Variants in SRR observed in about 807,000 individuals in gnomAD.
The protein encoded by SRR is D-serine ammonia-lyase.
SRR carries 19 observed loss-of-function variants against 32.7 expected under a neutral mutation model. That is an observed-to-expected ratio of 0.58 (90% CI 0.40 to 0.85). The LOEUF (loss-of-function observed/expected upper bound fraction) is 0.85, where lower values mean the gene tolerates loss of function less well. Ranked by LOEUF, SRR falls within the 40% of genes least tolerant of loss-of-function variation. The pLI is 0.00. For synonymous variants in SRR, 142 were observed against 140.9 expected (o/e 1.01, Z -0.06); for missense variants, 373 against 404.7 (o/e 0.92, Z 0.67).
intron 1 of SRR, among the ~76,000 whole-genome samples, chr17:2,305,881 T>A (rs1227273280): frequency 5.3e-5 from 8 of 151,838 alleles, no homozygotes; most frequent in Non-Finnish European, 1.0e-4. Context: ...GTATTTTTAG[T>A]AGAGATGGGG....
rs141530557 is a variant in SRR at position 2,315,559 on chromosome 17, C to T, written c.-2C>T. On this transcript the variant is annotated splice_region_variant and 5_prime_UTR_variant, in exon 2 of 8. Coordinates refer to ENST00000344595, the MANE Select transcript of SRR (RefSeq NM_021947.3). ...CCTTTCTTATTCCTGGGTTTCAGAA[C>T]CATGTGTGCTCAGTATTGCATCTCC... 1,912 of 1,608,154 alleles carry T rather than the reference C, an allele frequency of 1.2e-3. 10 individuals carry two copies. The highest frequency in any genetic ancestry group is 5.8e-3 in the Middle Eastern group (35 of 6,028).
chr17:2,305,573 T>G lies in SRR; in HGVS notation c.-5+1556T>G, dbSNP rs78333769. Among the ~76,000 whole-genome samples the G allele has an allele frequency of 2.6e-5, 4 of 152,286 alleles. No homozygotes were observed. In the East Asian group the frequency reaches 7.7e-4, roughly 29 times the overall value. The stretch of plus-strand genomic sequence containing the variant: ...CAATAATCAAATAGTAGAAGAAAAT[T>G]TACTACGTTGGTGGAAATTTTTGAA... On this transcript the variant is annotated intron_variant, in intron 1 of 7. Coordinates refer to ENST00000344595, the MANE Select transcript of SRR (RefSeq NM_021947.3).
At chr17:2,318,147 GTTTGT>G (rs1245817430) in intron 3 of SRR, 151 bp downstream of exon 3, 18 of 928,498 alleles carry the variant, frequency 1.9e-5, no homozygotes, top group East Asian at 1.2e-4. Context: ...TTTTTTTTTT[GTTTGT>G]TTTGTTTTTT....
At chr17:2,317,027 G>A (rs2075479764) in intron 2 of SRR, among the ~76,000 whole-genome samples, 2 of 150,668 alleles carry the variant, frequency 1.3e-5, no homozygotes, top group Admixed American at 6.6e-5. Flanking sequence ...CAGCCTTGGT[G>A]AAACACTTTC....
intron 1 of SRR, among the ~76,000 whole-genome samples, chr17:2,308,126 G>C (rs1196322234): frequency 9.9e-5 from 15 of 151,064 alleles, no homozygotes; most frequent in African/African-American, 3.1e-4. Context: ...TAAAATCTTG[G>C]ATTATTTAGA....
intron 1 of SRR, among the ~76,000 whole-genome samples, chr17:2,311,267 G>A (rs2075431946): frequency 6.6e-6 from 1 of 152,038 alleles, no homozygotes; most frequent in African/African-American, 2.4e-5. Context: ...ACTCACTGCA[G>A]CCTTGAACTC....
intron 1 of SRR, among the ~76,000 whole-genome samples, chr17:2,305,112 A>G (rs1597255159): frequency 1.3e-5 from 2 of 152,238 alleles, no homozygotes; most frequent in East Asian, 3.8e-4. Context: ...AAGGTTAAGC[A>G]TAAGAAGAAA....
Position 2,323,872 on chromosome 17 carries a change from A to G in SRR, c.1022A>G (p.Ter341=). 6.2e-7 allele frequency: 1 copy of G among 1,613,366 alleles called. No homozygotes were observed. Among genetic ancestry groups the G allele is most frequent in the Non-Finnish European group, 8.5e-7 (1 of 1,179,526 alleles). Reference sequence around the variant, plus strand: ...GCTTCTTATCAGTCTGTTTCTGTTTAATTTACAGAAAAGGAAATGGTGGGA... The same window carrying G: ...GCTTCTTATCAGTCTGTTTCTGTTTGATTTACAGAAAAGGAAATGGTGGGA... ...RPASYQSVSV[*] is the part of the protein sequence containing the mutation. The change falls in exon 8 of 8, where the codon TAA becomes TGA. Residue 341 remains the stop codon, a stop_retained_variant. Coordinates refer to ENST00000344595, the MANE Select transcript of SRR (RefSeq NM_021947.3).
chr17:2,303,557 C>T, upstream of SRR: 1 of 1,346,506 alleles, frequency 7.4e-7, no homozygotes, highest in Non-Finnish European at 9.5e-7. Flanking sequence ...GAGGGCCGAG[C>T]GGGGAGGAGG....
At position 2,318,822 on chromosome 17, in the gene SRR, C is replaced by T; in HGVS notation, c.296-4C>T. 1.9e-6 allele frequency: 3 copies of T among 1,610,484 alleles called. No individual in the cohort carries two copies. The highest frequency in any genetic ancestry group is 1.1e-5 in the South Asian group (1 of 90,986). On this transcript the variant is annotated splice_region_variant and splice_polypyrimidine_tract_variant and intron_variant, in intron 3 of 7. Coordinates refer to ENST00000344595, the MANE Select transcript of SRR (RefSeq NM_021947.3). ...GACTTTTTCCTCTCGTTTTCCTCTC[C>T]CAGGAATTCCTGCTTATATTGTGGT...
chr17:2,306,812 T>C (rs1209905818), intron 1 of SRR: 8 of 752,236 alleles, frequency 1.1e-5, no homozygotes, highest in East Asian at 2.5e-5. Flanking sequence ...AAGCTCTTCA[T>C]TGGAGGGCTG....
chr17:2,311,787 C>T (rs1359628700), intron 1 of SRR, among the ~76,000 whole-genome samples: 1 of 152,126 alleles, frequency 6.6e-6, no homozygotes, highest in African/African-American at 2.4e-5. Context: ...TTTATTAATA[C>T]AGTATATAAT....
chr17:2,307,797 A>C (rs1422067997), intron 1 of SRR: 18 of 738,836 alleles, frequency 2.4e-5, no homozygotes, highest in Non-Finnish European at 3.6e-5. Flanking sequence ...TTTGTGAACT[A>C]AGCCAAGCAC....
upstream of SRR, chr17:2,303,921 A>T: frequency 1.6e-5 from 5 of 306,352 alleles, no homozygotes; most frequent in Non-Finnish European, 3.0e-5. Flanking sequence ...CCGGAGCGAG[A>T]GCCTGGGTGG....
In SRR at chr17:2,323,286, T is replaced by C. The variant is rs771587282; in HGVS notation, c.745T>C (p.Trp249Arg). 1 of 1,614,034 alleles carries C rather than the reference T, an allele frequency of 6.2e-7. No individual in the cohort carries two copies. The highest frequency in any genetic ancestry group is 1.3e-5 in the African/African-American group (1 of 74,938). ...CAAATCCAGCATTGGCTTGAACACCTGGCCTATTATCAGGGACCTTGTGGA... is the reference window on the plus strand; with the variant it reads ...CAAATCCAGCATTGGCTTGAACACCCGGCCTATTATCAGGGACCTTGTGGA... Reference protein sequence around the residue: ...GVKSSIGLNTWPIIRDLVDDI... With the variant: ...GVKSSIGLNTRPIIRDLVDDI... The change falls in exon 7 of 8, where the codon TGG becomes CGG. Residue 249 changes from tryptophan (W) to arginine (R), a missense_variant. Transcript: ENST00000344595.
Position 2,325,249 on chromosome 17 carries a change from G to T in SRR, c.*1376G>T. 1 of 1,260,546 alleles carries T rather than the reference G, an allele frequency of 7.9e-7. No individual in the cohort carries two copies. Among genetic ancestry groups the T allele is most frequent in the Non-Finnish European group, 1.1e-6 (1 of 894,138 alleles). The allele number at this position is 1,260,546 out of a possible 1,614,324, so 78.1% of individuals were successfully genotyped here. A position where few individuals can be genotyped will look rare whatever the true frequency, so the allele number is the denominator to read the frequency against. ...CAAATTTAAATAAACAAGAGAAAAC[G>T]GTGTTCATCTATTAAGGACCTGCAG... On this transcript the variant is annotated 3_prime_UTR_variant, in exon 8 of 8. Transcript: ENST00000344595.
chr17:2,311,282 G>GT (rs2075432027), intron 1 of SRR, among the ~76,000 whole-genome samples: 1 of 151,916 alleles, frequency 6.6e-6, no homozygotes, highest in South Asian at 2.1e-4. Context: ...GAACTCCTGG[G>GT]TTTAAGCAAT....
At chr17:2,304,801 A>T (rs957179987) in intron 1 of SRR, among the ~76,000 whole-genome samples, 2 of 151,742 alleles carry the variant, frequency 1.3e-5, no homozygotes, top group Non-Finnish European at 2.9e-5. Flanking sequence ...CTGTGTCACT[A>T]TGGATTCTTG....
chr17:2,303,525 A>T (rs991160844), upstream of SRR: 5 of 1,330,188 alleles, frequency 3.8e-6, no homozygotes, highest in Non-Finnish European at 3.8e-6. Context: ...CTGCTGGGGG[A>T]AGGGGCGGGG....
Sources: gnomAD v4.1 joint callset for allele counts (sites outside exome capture counted in the v4.1 genomes callset) on GRCh38, gnomAD v4.1.1 for gene constraint, MANE v1.5 for transcripts, NCBI Gene and HGNC (gene_info 2026-07-23, HGNC 2026-07-21) for gene names.